The following PDE11A variants were observed in gnomAD, a reference collection of about 807,000 sequenced individuals.
PDE11A encodes the protein dual 3',5'-cyclic-AMP and -GMP phosphodiesterase 11A.
Under a neutral mutation model 100.5 loss-of-function variants are expected in PDE11A, and 100 were observed. The observed-to-expected ratio is 1.00, with a 90% CI of 0.85 to 1.18. The LOEUF (loss-of-function observed/expected upper bound fraction) is 1.18, where lower values mean the gene tolerates loss of function less well. Ranked by LOEUF, PDE11A falls within the 50% of genes most tolerant of loss-of-function variation. The pLI is 0.00. For missense variants in PDE11A, 1,141 were observed against 1,152.6 expected, an observed-to-expected ratio of 0.99 and a Z score of 0.15; for synonymous variants, 381 against 420.8, an observed-to-expected ratio of 0.91 and a Z score of 1.16.
At chr2:178,077,260 C>CTTTTTTTTTTTTTTTTTTTTTTTTT (rs57259393), upstream of PDE11A, among the ~76,000 whole-genome samples, 3 of 98,646 alleles carry the variant, frequency 3.0e-5, no homozygotes, top group African/African-American at 4.2e-5. Flanking sequence ...TTCTTTCTTT[C>CTTTTTTTTTTTTTTTTTTTTTTTTT]TTTTTTTTTT....
chr2:178,091,301 G>A (rs2087419796), intron 2 of PDE11A, among the ~76,000 whole-genome samples: 2 of 152,054 alleles, frequency 1.3e-5, no homozygotes, highest in Admixed American at 1.3e-4. Context: ...CAATTCCTGG[G>A]CTCAAGCGAT....
At chr2:177,850,738 C>T (rs1047594640) in intron 5 of PDE11A, among the ~76,000 whole-genome samples, 2 of 152,192 alleles carry the variant, frequency 1.3e-5, no homozygotes, top group Non-Finnish European at 2.9e-5. Context: ...TATGAACAGA[C>T]ACTTCTCAAA....
At chr2:178,026,914 A>G (rs1044262395) in intron 1 of PDE11A, among the ~76,000 whole-genome samples, 1 of 152,130 alleles carries the variant, frequency 6.6e-6, no homozygotes, top group Non-Finnish European at 1.5e-5. Flanking sequence ...CAGAATAAAG[A>G]CTTAAATGTA....
rs140538000 is a variant in PDE11A at position 177,840,266 on chromosome 2, C to T, written c.1485G>A (p.Pro495=). The T allele has an allele frequency of 1.0e-4, 166 of 1,614,086 alleles. No individual in the cohort carries two copies. In the African/African-American group the frequency reaches 1.8e-3, roughly 18 times the overall value. Residue 495 remains proline (P), a synonymous_variant, in exon 6 of 20, where the codon CCG becomes CCA. Coordinates refer to ENST00000286063, the MANE Select transcript of PDE11A (RefSeq NM_016953.4). ...PVNISDAYQD[P]RFDAEADQIS... ...CTCCTCTTACCTCTGCATCAAAGCG[C>T]GGATCCTGGTAGGCATCACTGATGT...
At chr2:177,658,734 T>TA (rs1553535020) in intron 19 of PDE11A, among the ~76,000 whole-genome samples, 5 of 150,238 alleles carry the variant, frequency 3.3e-5, no homozygotes, top group Admixed American at 6.6e-5. Flanking sequence ...TTTTTTTTTT[T>TA]AATATCTGAT....
chr2:177,799,703 AAAG>A (rs577028417), intron 9 of PDE11A, among the ~76,000 whole-genome samples: 38 of 152,150 alleles, frequency 2.5e-4, no homozygotes, highest in Admixed American at 6.6e-4. Context: ...CCTTGGTCTG[AAAG>A]AAGATGGGAA....
At chr2:177,726,883 A>G (rs574405180) in intron 12 of PDE11A, among the ~76,000 whole-genome samples, 2 of 152,164 alleles carry the variant, frequency 1.3e-5, no homozygotes, top group East Asian at 3.9e-4. Context: ...ACATGTGTGT[A>G]TATATAACTA....
intron 2 of PDE11A, among the ~76,000 whole-genome samples, chr2:178,004,770 C>G (rs1034763780): frequency 3.3e-5 from 5 of 152,084 alleles, no homozygotes; most frequent in African/African-American, 1.2e-4. Flanking sequence ...CTCCTTACCC[C>G]CCAAACTTTT....
chr2:177,701,249 G>T, intron 13 of PDE11A, 38 bp from the exon 14 acceptor site: 1 of 1,000,226 alleles, frequency 1.0e-6, no homozygotes, highest in Non-Finnish European at 1.6e-6. Context: ...AGGGCCTATC[G>T]ATGGTTCCCC....
chr2:177,727,367 C>A (rs2105446842), intron 12 of PDE11A, among the ~76,000 whole-genome samples: 1 of 152,234 alleles, frequency 6.6e-6, no homozygotes, highest in Middle Eastern at 3.4e-3. Flanking sequence ...AAAAAGATTA[C>A]TTTAAAAATC....
chr2:178,033,486 A>C (rs1226793574), intron 1 of PDE11A, among the ~76,000 whole-genome samples: 3 of 152,224 alleles, frequency 2.0e-5, no homozygotes, highest in Non-Finnish European at 4.4e-5. Flanking sequence ...TCAGGATATC[A>C]TCCAGGAGAA....
At chr2:177,778,553 G>A (rs1574132267) in intron 9 of PDE11A, among the ~76,000 whole-genome samples, 1 of 152,186 alleles carries the variant, frequency 6.6e-6, no homozygotes, top group Admixed American at 6.5e-5. Flanking sequence ...AAGCTAAGCT[G>A]ATCTGAAGTA....
intron 12 of PDE11A, among the ~76,000 whole-genome samples, chr2:177,720,030 CA>C (rs959246863): frequency 1.3e-5 from 2 of 151,926 alleles, no homozygotes; most frequent in African/African-American, 2.4e-5. Flanking sequence ...AAGTTCAGCA[CA>C]TATCCCACTC....
chr2:177,673,455 C>G (rs2080717470), intron 17 of PDE11A, among the ~76,000 whole-genome samples: 1 of 152,144 alleles, frequency 6.6e-6, no homozygotes, highest in South Asian at 2.1e-4. Context: ...TTGGAGTTGC[C>G]ATGGACCACT....
intron 19 of PDE11A, among the ~76,000 whole-genome samples, chr2:177,633,952 G>C (rs951280890): frequency 6.6e-6 from 1 of 151,870 alleles, no homozygotes; most frequent in East Asian, 1.9e-4. Flanking sequence ...CAATATTTCT[G>C]GCTCTGTTTT....
At chr2:177,645,264 C>A in intron 19 of PDE11A, among the ~76,000 whole-genome samples, 1 of 152,210 alleles carries the variant, frequency 6.6e-6, no homozygotes, top group Non-Finnish European at 1.5e-5. Flanking sequence ...TGGCTCACTG[C>A]AACCTCCACC....
intron 9 of PDE11A, among the ~76,000 whole-genome samples, chr2:177,795,703 G>A (rs1363962108): frequency 2.0e-5 from 3 of 151,476 alleles, no homozygotes; most frequent in East Asian, 1.9e-4. Flanking sequence ...ATATTTATGG[G>A]GTACATGTGT....
chr2:178,103,498 G>A (rs2087584069), intron 2 of PDE11A, among the ~76,000 whole-genome samples: 2 of 151,648 alleles, frequency 1.3e-5, no homozygotes, highest in Non-Finnish European at 1.5e-5. Context: ...ACTTTAAAAT[G>A]TCTAATTATG....
chr2:177,808,445 T>A (rs921370759), intron 9 of PDE11A, among the ~76,000 whole-genome samples: 1 of 152,174 alleles, frequency 6.6e-6, no homozygotes, highest in Non-Finnish European at 1.5e-5. Context: ...AGGTACTATA[T>A]TCTAAAGGTA....
Sources: gnomAD v4.1 joint callset for allele counts (sites outside exome capture counted in the v4.1 genomes callset) on GRCh38, gnomAD v4.1.1 for gene constraint, MANE v1.5 for transcripts, NCBI Gene and HGNC (gene_info 2026-07-23, HGNC 2026-07-21) for gene names.